The following USP47 variants were observed in gnomAD, a reference collection of about 807,000 sequenced individuals.
USP47 encodes the protein ubiquitin specific peptidase 47.
In USP47, 35 loss-of-function variants were observed where a neutral mutation model predicts 165.1. The ratio of observed to expected loss-of-function variants is 0.21; its 90% CI spans 0.16 to 0.28. USP47 has a LOEUF of 0.28. Ranked by LOEUF, USP47 falls within the 10% of genes least tolerant of loss-of-function variation. USP47 has a pLI of 1.00. For missense variants in USP47, 1,277 were observed against 1,607.4 expected (o/e 0.79, Z 3.52); for synonymous variants, 531 against 544.5 (o/e 0.98, Z 0.35).
intron 8 of USP47, among the ~76,000 whole-genome samples, chr11:11,906,429 A>T (rs531622892): frequency 6.6e-6 from 1 of 152,320 alleles, no homozygotes; most frequent in South Asian, 2.1e-4. Context: ...AAGCTTTTCT[A>T]TACTTCTAAG....
intron 11 of USP47, among the ~76,000 whole-genome samples, chr11:11,925,848 C>T (rs1193850557): frequency 2.0e-5 from 3 of 152,094 alleles, no homozygotes; most frequent in African/African-American, 7.2e-5. Context: ...TTCCGTTTTT[C>T]ACCATTTAAT....
At chr11:11,918,616 C>T (rs1480692090) in intron 8 of USP47, among the ~76,000 whole-genome samples, 1 of 151,890 alleles carries the variant, frequency 6.6e-6, no homozygotes, top group Non-Finnish European at 1.5e-5. Context: ...GCAAAATTGG[C>T]AAAAATGTTT....
intron 11 of USP47, among the ~76,000 whole-genome samples, chr11:11,925,576 A>T (rs1854178548): frequency 6.6e-6 from 1 of 151,206 alleles, no homozygotes; most frequent in Non-Finnish European, 1.5e-5. Flanking sequence ...GAAATGCAAC[A>T]GATTTGTGTG....
intron 8 of USP47, among the ~76,000 whole-genome samples, chr11:11,911,075 AGC>A (rs1852942191): frequency 6.6e-6 from 1 of 152,224 alleles, no homozygotes; most frequent in Admixed American, 6.5e-5. Flanking sequence ...AACTGCAATA[AGC>A]AAAATTAAAA....
chr11:11,894,873 A>G (rs1418265169), intron 4 of USP47, among the ~76,000 whole-genome samples: 1 of 152,086 alleles, frequency 6.6e-6, no homozygotes, highest in East Asian at 1.9e-4. Flanking sequence ...TACTACTGGC[A>G]CCACTTCTAG....
chr11:11,869,883 C>G (rs1293283191), intron 1 of USP47, among the ~76,000 whole-genome samples: 3 of 152,248 alleles, frequency 2.0e-5, no homozygotes, highest in Non-Finnish European at 4.4e-5. Context: ...TGCCTTCTGT[C>G]ATGTTATGAT....
intron 8 of USP47, among the ~76,000 whole-genome samples, chr11:11,914,404 G>T (rs1853252637): frequency 6.6e-6 from 1 of 152,012 alleles, no homozygotes; most frequent in Admixed American, 6.6e-5. Flanking sequence ...AACTCAAAAT[G>T]GGTCATAAAC....
intron 27 of USP47, among the ~76,000 whole-genome samples, chr11:11,955,519 G>C (rs2134916501): frequency 6.6e-6 from 1 of 152,220 alleles, no homozygotes; most frequent in South Asian, 2.1e-4. Context: ...ATTTGAACCA[G>C]GCATATTTCA....
At chr11:11,844,571 T>C (rs1214085663) in intron 1 of USP47, among the ~76,000 whole-genome samples, 7 of 152,192 alleles carry the variant, frequency 4.6e-5, no homozygotes, top group Non-Finnish European at 1.0e-4. Flanking sequence ...ACTATTCCCT[T>C]GATTATACCC....
chr11:11,905,296 AT>A, intron 7 of USP47, 102 bp from the exon 8 acceptor site: 2 of 636,186 alleles, frequency 3.1e-6, no homozygotes, highest in Non-Finnish European at 4.5e-6. Context: ...TTAGCTGTAA[AT>A]ATCAATATCC....
Position 11,938,245 on chromosome 11 carries a change from C to T in USP47, c.2078-12C>T. 1 of 1,606,552 alleles carries T rather than the reference C, an allele frequency of 6.2e-7. No individual in the cohort carries two copies. Among genetic ancestry groups the T allele is most frequent in the Non-Finnish European group, 8.5e-7 (1 of 1,174,062 alleles). ...ACCTCCAATTCTGTGTTTATGTCTT[C>T]AAATGTGACAGAAGTGATGGTGAAA... On this transcript the variant is annotated splice_polypyrimidine_tract_variant and intron_variant, in intron 17 of 27. Coordinates refer to ENST00000527733, the MANE Select transcript of USP47 (RefSeq NM_001282659.2).
In USP47 at chr11:11,936,448, T is replaced by C. The variant is rs370883890; in HGVS notation, c.2015T>C (p.Met672Thr). 4.3e-6 allele frequency: 7 copies of C among 1,609,210 alleles called. No individual in the cohort carries two copies. The African/African-American group carries it at 6.7e-5, about 15-fold the overall frequency. ...LLLGGVKSTY[M>T]FDLLLETRKP... ...CTAGGTGGCGTCAAGTCAACATATA[T>C]GTTTGATCTGCTGTTGGAGACGAGA... The change falls in exon 17 of 28, where the codon ATG becomes ACG. Residue 672 changes from methionine to threonine, a missense_variant. Met to Thr is a moderately conservative substitution (Grantham distance 81, BLOSUM62 -1). Around this residue, in one of 4 missense-constraint regions of USP47, gnomAD observed 909 missense variants for 1,068.1 expected, o/e 0.85. Coordinates refer to ENST00000527733, the MANE Select transcript of USP47 (RefSeq NM_001282659.2).
intron 4 of USP47, among the ~76,000 whole-genome samples, chr11:11,895,569 T>C (rs1851795509): frequency 6.6e-6 from 1 of 152,224 alleles, no homozygotes; most frequent in South Asian, 2.1e-4. Flanking sequence ...CATTTCTCAG[T>C]AAAGCAATGG....
At chr11:11,950,051 G>T in intron 23 of USP47, 47 bp downstream of exon 23, 1 of 1,404,700 alleles carries the variant, frequency 7.1e-7, no homozygotes, top group Non-Finnish European at 1.0e-6. Context: ...AGACTATGTG[G>T]TCAGTTGAAA....
chr11:11,899,490 C>T (rs184945853), intron 5 of USP47, among the ~76,000 whole-genome samples: 172 of 152,140 alleles, frequency 1.1e-3, no homozygotes, highest in African/African-American at 4.0e-3. Context: ...TATATAAGCT[C>T]ATTTCACAGA....
chr11:11,902,293 A>G (rs991453885), intron 5 of USP47, among the ~76,000 whole-genome samples: 1 of 151,946 alleles, frequency 6.6e-6, no homozygotes, highest in African/African-American at 2.4e-5. Flanking sequence ...TGCAAAAAAT[A>G]GAAAGAAAAC....
At chr11:11,865,480 T>C (rs1849619793) in intron 1 of USP47, among the ~76,000 whole-genome samples, 1 of 152,196 alleles carries the variant, frequency 6.6e-6, no homozygotes, top group Admixed American at 6.5e-5. Flanking sequence ...TGTTATTTAT[T>C]TGCTGAGACT....
intron 10 of USP47, 117 bp downstream of exon 10, chr11:11,920,611 A>G (rs1590380316): frequency 3.3e-6 from 3 of 916,012 alleles, no homozygotes; most frequent in African/African-American, 3.5e-5. Context: ...CTTGATGGAA[A>G]CTTTTTCTTT....
intron 1 of USP47, among the ~76,000 whole-genome samples, chr11:11,873,610 T>A (rs1392530821): frequency 6.6e-6 from 1 of 152,136 alleles, no homozygotes; most frequent in Non-Finnish European, 1.5e-5. Flanking sequence ...TTATTCTTTA[T>A]CACCTCTTTA....
Sources: allele counts gnomAD v4.1 joint callset (sites outside exome capture counted in the v4.1 genomes callset), GRCh38; gene constraint gnomAD v4.1.1; regional missense constraint gnomAD v4.1.1; transcripts MANE v1.5; gene names NCBI Gene and HGNC (gene_info 2026-07-23, HGNC 2026-07-21).